RBFOX1: variants seen among roughly 807,000 people sequenced by gnomAD.
RBFOX1 encodes RNA binding fox-1 homolog 1, also known as RNA binding protein fox-1 homolog 1.
In RBFOX1, 8 loss-of-function variants were observed where a neutral mutation model predicts 57.7. The observed-to-expected ratio is 0.14, with a 90% CI of 0.08 to 0.25. RBFOX1 has a LOEUF of 0.25. Among genes scored for constraint, RBFOX1 ranks in the 10% least tolerant of loss-of-function variants. RBFOX1 has a pLI of 1.00. For synonymous variants in RBFOX1, 326 were observed against 222.4 expected (o/e 1.47, Z -4.15); for missense variants, 611 against 548.5 (o/e 1.11, Z -1.14).
chr16:7,495,597 T>G (rs1201369938), intron 4 of RBFOX1, among the ~76,000 whole-genome samples: 2 of 152,248 alleles, frequency 1.3e-5, no homozygotes, highest in African/African-American at 4.8e-5. Context: ...TTCGTATGTT[T>G]GTTGACTGTG....
At chr16:5,893,805 C>CA (rs34828601) in intron 4 of RBFOX1, among the ~76,000 whole-genome samples, 34,664 of 142,946 alleles carry the variant, frequency 0.24, 4,108 homozygotes, top group Middle Eastern at 0.34. Context: ...GACTCCACCT[C>CA]AAAAAAAAAA....
intron 2 of RBFOX1, among the ~76,000 whole-genome samples, chr16:6,354,168 C>T (rs1032403130): frequency 4.6e-5 from 7 of 152,012 alleles, no homozygotes; most frequent in Middle Eastern, 3.4e-3. Flanking sequence ...TGGAGTGAGC[C>T]GAGATCATGC....
chr16:7,349,857 A>G (rs1213559816), intron 4 of RBFOX1, among the ~76,000 whole-genome samples: 1 of 152,188 alleles, frequency 6.6e-6, no homozygotes, highest in African/African-American at 2.4e-5. Context: ...GAAATAAAAT[A>G]GGTTATGGGC....
At chr16:5,931,793 G>A (rs2059064276) in intron 4 of RBFOX1, among the ~76,000 whole-genome samples, 1 of 152,154 alleles carries the variant, frequency 6.6e-6, no homozygotes. Context: ...ACTTGAATAT[G>A]ATGCATTTTA....
At chr16:5,738,136 T>C (rs2052645864) in intron 3 of RBFOX1, among the ~76,000 whole-genome samples, 1 of 152,094 alleles carries the variant, frequency 6.6e-6, no homozygotes, top group Non-Finnish European at 1.5e-5. Flanking sequence ...GTTAGTTTGC[T>C]GAGAATGATC....
At chr16:6,405,050 C>T (rs2093226138) in intron 2 of RBFOX1, among the ~76,000 whole-genome samples, 1 of 152,182 alleles carries the variant, frequency 6.6e-6, no homozygotes, top group South Asian at 2.1e-4. Context: ...TTTATGCCTG[C>T]ATAACACAAT....
At chr16:6,808,178 G>GTATATATA (rs71145298) in intron 3 of RBFOX1, among the ~76,000 whole-genome samples, 18 of 145,542 alleles carry the variant, frequency 1.2e-4, no homozygotes, top group African/African-American at 3.9e-4. Context: ...GTGTGTGTGT[G>GTATATATA]TATATATATA....
rs536949006 is a variant in RBFOX1 at position 7,503,525 on chromosome 16, G to A, written c.28-14622G>A. 7.2e-5 allele frequency among the ~76,000 whole-genome samples: 11 copies of A among 152,322 alleles called. 1 individual carries two copies. The South Asian group carries it at 2.3e-3, about 32-fold the overall frequency. ...TCTCCCCTTGTGGATTTGGTTAAAT[G>A]TAGTAGTATTAGCAATGGCACAAGT... On this transcript the variant is annotated intron_variant, in intron 4 of 15. Coordinates refer to ENST00000550418, the MANE Select transcript of RBFOX1 (RefSeq NM_018723.4).
At chr16:7,104,017 T>C (rs1176989769) in intron 4 of RBFOX1, among the ~76,000 whole-genome samples, 1 of 152,160 alleles carries the variant, frequency 6.6e-6, no homozygotes, top group Non-Finnish European at 1.5e-5. Context: ...AGAATTTAAA[T>C]TTTGTTTTGT....
intron 4 of RBFOX1, among the ~76,000 whole-genome samples, chr16:5,900,502 GC>G (rs2058280662): frequency 6.6e-6 from 1 of 152,072 alleles, no homozygotes; most frequent in Non-Finnish European, 1.5e-5. Flanking sequence ...TCCTTTTTTA[GC>G]CCTTTTGCCC....
chr16:7,634,017 G>C (rs748174706), intron 11 of RBFOX1, among the ~76,000 whole-genome samples: 18 of 152,100 alleles, frequency 1.2e-4, no homozygotes, highest in Non-Finnish European at 2.2e-4. Context: ...ACACACACGA[G>C]TTATATTCAT....
intron 2 of RBFOX1, among the ~76,000 whole-genome samples, chr16:6,359,638 C>T (rs2088049912): frequency 6.6e-6 from 1 of 152,162 alleles, no homozygotes; most frequent in Non-Finnish European, 1.5e-5. Flanking sequence ...CCAACATGTC[C>T]TGCAATGCTT....
intron 3 of RBFOX1, among the ~76,000 whole-genome samples, chr16:5,677,172 A>G (rs1224314989): frequency 1.3e-5 from 2 of 152,212 alleles, no homozygotes; most frequent in Non-Finnish European, 2.9e-5. Flanking sequence ...GTTGGTTACT[A>G]TGACAGCTTC....
intron 3 of RBFOX1, among the ~76,000 whole-genome samples, chr16:6,830,097 A>C (rs1018240435): frequency 1.3e-5 from 2 of 151,290 alleles, no homozygotes; most frequent in Non-Finnish European, 2.9e-5. Context: ...TTGTATTTTT[A>C]ATGGAGACAA....
intron 3 of RBFOX1, among the ~76,000 whole-genome samples, chr16:5,803,267 G>C (rs967633317): frequency 5.3e-5 from 8 of 152,098 alleles, no homozygotes; most frequent in Non-Finnish European, 1.2e-4. Flanking sequence ...AGCTTGGTTC[G>C]TCTCTGACAA....
chr16:5,363,948 G>C (rs2065631032), intron 1 of RBFOX1, among the ~76,000 whole-genome samples: 1 of 152,160 alleles, frequency 6.6e-6, no homozygotes, highest in East Asian at 1.9e-4. Flanking sequence ...GCTGGTCTCT[G>C]CTTTGCCATC....
At chr16:6,212,560 A>T (rs1383762090) in intron 1 of RBFOX1, among the ~76,000 whole-genome samples, 1 of 152,036 alleles carries the variant, frequency 6.6e-6, no homozygotes. Flanking sequence ...ACAAAAAATT[A>T]GTTGGGCATG....
At chr16:6,954,810 C>A (rs928488282) in intron 3 of RBFOX1, among the ~76,000 whole-genome samples, 2 of 152,098 alleles carry the variant, frequency 1.3e-5, no homozygotes, top group African/African-American at 4.8e-5. Context: ...TAGAAGGGTT[C>A]GAACCTCATT....
intron 13 of RBFOX1, chr16:7,671,503 CTTTTA>C (rs2146102112): frequency 6.7e-7 from 1 of 1,483,664 alleles, no homozygotes; most frequent in East Asian, 2.3e-5. Context: ...TATGCATTCT[CTTTTA>C]TTTATTTCAT....
Sources: gnomAD v4.1 joint callset for allele counts (sites outside exome capture counted in the v4.1 genomes callset) on GRCh38, gnomAD v4.1.1 for gene constraint, MANE v1.5 for transcripts, NCBI Gene and HGNC (gene_info 2026-07-23, HGNC 2026-07-21) for gene names.